Variants in PPP2R2B observed in about 807,000 individuals in gnomAD.
PPP2R2B encodes the protein serine/threonine-protein phosphatase 2A 55 kDa regulatory subunit B beta isoform.
In PPP2R2B, 5 loss-of-function variants were observed where a neutral mutation model predicts 46.0. That is an observed-to-expected ratio of 0.11 (90% CI 0.06 to 0.23). The LOEUF (loss-of-function observed/expected upper bound fraction) is 0.23, where lower values mean the gene tolerates loss of function less well. Ranked by LOEUF, PPP2R2B falls within the 10% of genes least tolerant of loss-of-function variation. The pLI is 1.00. For missense variants in PPP2R2B, 367 were observed against 575.0 expected (o/e 0.64, Z 3.70); for synonymous variants, 215 against 206.7 (o/e 1.04, Z -0.34).
intron 2 of PPP2R2B, among the ~76,000 whole-genome samples, chr5:147,068,964 G>A (rs1181313423): frequency 2.0e-5 from 3 of 152,122 alleles, no homozygotes; most frequent in Non-Finnish European, 4.4e-5. Flanking sequence ...AACAATAGAT[G>A]ATAATGACCC....
intron 1 of PPP2R2B, among the ~76,000 whole-genome samples, chr5:146,939,375 C>A (rs141996428): frequency 1.9e-3 from 285 of 152,298 alleles, no homozygotes; most frequent in African/African-American, 6.6e-3. Context: ...TGAGCACATG[C>A]AAGTCACGTT....
intron 7 of PPP2R2B, among the ~76,000 whole-genome samples, chr5:146,616,749 G>C (rs1265664839): frequency 6.6e-6 from 1 of 152,148 alleles, no homozygotes; most frequent in Non-Finnish European, 1.5e-5. Context: ...GGAGAAAAGG[G>C]AACACTTGTA....
At chr5:146,664,121 T>C (rs900891920) in intron 5 of PPP2R2B, among the ~76,000 whole-genome samples, 5 of 152,090 alleles carry the variant, frequency 3.3e-5, no homozygotes, top group Admixed American at 3.3e-4. Flanking sequence ...ATTACAGGCA[T>C]GAGCCACCGC....
intron 2 of PPP2R2B, among the ~76,000 whole-genome samples, chr5:146,844,207 G>T (rs1339066457): frequency 9.3e-6 from 1 of 107,658 alleles, no homozygotes; most frequent in Non-Finnish European, 1.8e-5. Context: ...CTGTGGTGGG[G>T]TCGGGGGAGG....
intron 1 of PPP2R2B, among the ~76,000 whole-genome samples, chr5:146,903,910 T>TTGGC (rs920503839): frequency 1.3e-5 from 2 of 152,216 alleles, no homozygotes; most frequent in African/African-American, 4.8e-5. Flanking sequence ...TGGCACACAG[T>TTGGC]ACCAAATGGT....
intron 1 of PPP2R2B, among the ~76,000 whole-genome samples, chr5:146,927,836 C>A (rs144816647): frequency 6.6e-6 from 1 of 151,622 alleles, no homozygotes; most frequent in East Asian, 1.9e-4. Context: ...TGGGTTCAAG[C>A]GATTCTCCTG....
At chr5:146,630,817 T>G (rs1334003143) in intron 7 of PPP2R2B, among the ~76,000 whole-genome samples, 4 of 152,228 alleles carry the variant, frequency 2.6e-5, no homozygotes, top group Non-Finnish European at 4.4e-5. Flanking sequence ...TTATACTATG[T>G]GCCAGGCATC....
At chr5:146,854,534 C>T (rs190017273) in intron 2 of PPP2R2B, among the ~76,000 whole-genome samples, 127 of 152,182 alleles carry the variant, frequency 8.3e-4, no homozygotes, top group African/African-American at 2.9e-3. Flanking sequence ...TTTATCTAAC[C>T]GTATATTTGT....
At chr5:146,615,453 G>A (rs1280773066) in intron 7 of PPP2R2B, among the ~76,000 whole-genome samples, 1 of 111,690 alleles carries the variant, frequency 9.0e-6, no homozygotes, top group Non-Finnish European at 1.7e-5. Context: ...GTATACATAT[G>A]TAACTAACCT....
upstream of PPP2R2B, among the ~76,000 whole-genome samples, chr5:146,882,168 T>A (rs1228223723): frequency 1.3e-5 from 2 of 151,556 alleles, no homozygotes; most frequent in Non-Finnish European, 2.9e-5. Context: ...TCCCAGCTAC[T>A]CGGGAGGCTG....
intron 2 of PPP2R2B, among the ~76,000 whole-genome samples, chr5:146,724,468 GACT>G (rs1751724176): frequency 1.3e-5 from 2 of 152,060 alleles, no homozygotes; most frequent in Non-Finnish European, 2.9e-5. Flanking sequence ...CATAGTGATC[GACT>G]CACAGGGAAC....
intron 7 of PPP2R2B, among the ~76,000 whole-genome samples, chr5:146,607,996 A>T (rs571468054): frequency 6.6e-6 from 1 of 152,346 alleles, no homozygotes; most frequent in South Asian, 2.1e-4. Context: ...GTGTCATAAA[A>T]CACTATTCTT....
chr5:146,978,479 C>A (rs912027104), intron 1 of PPP2R2B, among the ~76,000 whole-genome samples: 1 of 152,134 alleles, frequency 6.6e-6, no homozygotes, highest in African/African-American at 2.4e-5. Context: ...CCTAAGTTTT[C>A]TTCTAGGGCT....
chr5:146,793,574 A>G (rs1756345512), intron 2 of PPP2R2B, among the ~76,000 whole-genome samples: 1 of 152,160 alleles, frequency 6.6e-6, no homozygotes, highest in Non-Finnish European at 1.5e-5. Context: ...CATGGATATT[A>G]AGATCACACA....
upstream of PPP2R2B, among the ~76,000 whole-genome samples, chr5:146,881,942 T>C (rs1762180893): frequency 6.6e-6 from 1 of 152,196 alleles, no homozygotes. Flanking sequence ...GATTTATTCC[T>C]GTATGCATAT....
intron 2 of PPP2R2B, among the ~76,000 whole-genome samples, chr5:146,832,377 A>ATATTTTTTTTTTTT (rs1443028400): frequency 9.6e-6 from 1 of 104,298 alleles, no homozygotes; most frequent in Non-Finnish European, 2.0e-5. Context: ...GCCATTTTTA[A>ATATTTTTTTTTTTT]TCTTTTTTTT....
At chr5:146,780,521 T>C (rs970760760) in intron 2 of PPP2R2B, among the ~76,000 whole-genome samples, 7 of 152,100 alleles carry the variant, frequency 4.6e-5, no homozygotes, top group African/African-American at 1.4e-4. Context: ...CTTGCCAGAG[T>C]CAAGCCCAAA....
rs34512431 is a variant in PPP2R2B, at chr5:146,863,033, C to CT, written c.70+14968dup. The stretch of plus-strand genomic sequence containing the variant: ...CAATACGATAATCAGACTGCTTTTG[C>CT]TTTTTTTTTTTTCCACAGTGCACAG... On this transcript the variant is annotated intron_variant, in intron 2 of 9. Transcript: ENST00000394411. 2.5e-3 allele frequency among the ~76,000 whole-genome samples: 354 copies of CT among 143,578 alleles called. 1 individual carries two copies. Among genetic ancestry groups the CT allele is most frequent in the African/African-American group, 6.1e-3 (240 of 39,396 alleles). 94.2% of individuals were successfully genotyped at this position (143,578 alleles called of 152,430 possible). A position where few individuals can be genotyped will look rare whatever the true frequency, so the allele number is the denominator to read the frequency against.
At chr5:146,772,164 A>G (rs1754898053) in intron 2 of PPP2R2B, among the ~76,000 whole-genome samples, 1 of 152,066 alleles carries the variant, frequency 6.6e-6, no homozygotes, top group Admixed American at 6.6e-5. Context: ...TATCATGGAA[A>G]GATCTCCAAG....
Sources: allele counts gnomAD v4.1 joint callset (sites outside exome capture counted in the v4.1 genomes callset), GRCh38; gene constraint gnomAD v4.1.1; transcripts MANE v1.5; gene names NCBI Gene and HGNC (gene_info 2026-07-23, HGNC 2026-07-21).